Variants in AP2B1 observed in about 807,000 individuals in gnomAD.
AP2B1 encodes AP-2 complex subunit beta.
AP2B1 carries 23 observed loss-of-function variants against 102.0 expected under a neutral mutation model. The observed-to-expected ratio is 0.23, with a 90% CI of 0.16 to 0.32. The LOEUF (loss-of-function observed/expected upper bound fraction) is 0.32, where lower values mean the gene tolerates loss of function less well. AP2B1 is among the 10% of genes least tolerant of loss of function. The pLI is 1.00. For synonymous variants in AP2B1, 381 were observed against 421.2 expected (o/e 0.90, Z 1.17); for missense variants, 541 against 1,157.4 (o/e 0.47, Z 7.73).
At chr17:35,701,137 CA>C (rs2076231190) in intron 18 of AP2B1, among the ~76,000 whole-genome samples, 1 of 148,944 alleles carries the variant, frequency 6.7e-6, no homozygotes, top group African/African-American at 2.5e-5. Flanking sequence ...TTTTTGACTG[CA>C]ACTTACAGTA....
intron 9 of AP2B1, among the ~76,000 whole-genome samples, chr17:35,629,183 A>G (rs1051284518): frequency 1.3e-5 from 2 of 152,128 alleles, no homozygotes; most frequent in African/African-American, 2.4e-5. Context: ...CCTAGCCTCA[A>G]GTGATCCGCC....
intron 18 of AP2B1, among the ~76,000 whole-genome samples, chr17:35,697,280 G>C (rs1367577912): frequency 6.6e-6 from 1 of 152,200 alleles, no homozygotes; most frequent in Admixed American, 6.5e-5. Context: ...AATGGACCCT[G>C]TTTTCAAAAC....
intron 5 of AP2B1, among the ~76,000 whole-genome samples, chr17:35,614,537 C>G (rs1382994179): frequency 6.6e-6 from 1 of 151,748 alleles, no homozygotes; most frequent in Non-Finnish European, 1.5e-5. Flanking sequence ...CTTTGGTTTA[C>G]TGCGTAGCCC....
chr17:35,609,298 C>T (rs1639313042), intron 5 of AP2B1, among the ~76,000 whole-genome samples: 1 of 152,020 alleles, frequency 6.6e-6, no homozygotes, highest in Admixed American at 6.5e-5. Flanking sequence ...ACTCCTACCT[C>T]AGCCTCCTGA....
At chr17:35,602,465 C>T (rs1041514700) in intron 3 of AP2B1, among the ~76,000 whole-genome samples, 4 of 152,138 alleles carry the variant, frequency 2.6e-5, no homozygotes, top group African/African-American at 9.7e-5. Flanking sequence ...AAGTGCAGCA[C>T]TGGCCAGTGG....
At chr17:35,699,067 A>G (rs2076192160) in intron 18 of AP2B1, among the ~76,000 whole-genome samples, 2 of 152,218 alleles carry the variant, frequency 1.3e-5, no homozygotes, top group Non-Finnish European at 2.9e-5. Context: ...TCATAGCAGA[A>G]TGGGTACTAC....
At chr17:35,662,472 T>C (rs1223599629) in intron 14 of AP2B1, among the ~76,000 whole-genome samples, 1 of 152,008 alleles carries the variant, frequency 6.6e-6, no homozygotes, top group Admixed American at 6.6e-5. Context: ...AAAGTAGTTA[T>C]TTGGGCTTTT....
chr17:35,666,026 A>G (rs892790929), intron 14 of AP2B1, among the ~76,000 whole-genome samples: 1 of 152,172 alleles, frequency 6.6e-6, no homozygotes, highest in Non-Finnish European at 1.5e-5. Flanking sequence ...ATTCCCCTAT[A>G]TAACTTCAAT....
chr17:35,720,600 T>TTA (rs2085357461), intron 21 of AP2B1, among the ~76,000 whole-genome samples: 4 of 118,052 alleles, frequency 3.4e-5, no homozygotes, highest in South Asian at 2.8e-4. Context: ...TTTTTTTTTT[T>TTA]AATATAGAGA....
At chr17:35,612,409 AG>A (rs1240587475) in intron 5 of AP2B1, among the ~76,000 whole-genome samples, 1 of 152,216 alleles carries the variant, frequency 6.6e-6, no homozygotes. Flanking sequence ...AGAACTGAAA[AG>A]CTTGGGCTTA....
In AP2B1 at chr17:35,723,773, A is replaced by G; in HGVS notation, c.*74A>G. On this transcript the variant is annotated 3_prime_UTR_variant, in exon 22 of 22. Transcript: ENST00000610402. ...AGAACTCTTAACTGGAAGAAATTGT[A>G]TTGCTGCGTAGAATCTGAACACACT... The G allele has an allele frequency of 8.8e-7, 1 of 1,130,084 alleles. No homozygotes were observed. Among genetic ancestry groups the G allele is most frequent in the Non-Finnish European group, 1.3e-6 (1 of 743,630 alleles). 70.0% of individuals were successfully genotyped at this position (1,130,084 alleles called of 1,614,324 possible).
intron 20 of AP2B1, chr17:35,713,782 A>G (rs1235783639): frequency 6.6e-6 from 1 of 152,174 alleles, no homozygotes; most frequent in Admixed American, 6.5e-5. Context: ...AATTAATCAG[A>G]TCTTAAGAGA....
intron 14 of AP2B1, among the ~76,000 whole-genome samples, chr17:35,668,228 C>T (rs560702381): frequency 5.3e-5 from 8 of 152,200 alleles, no homozygotes; most frequent in East Asian, 3.9e-4. Flanking sequence ...TGAGCCACCA[C>T]GCCCGGCCTC....
intron 13 of AP2B1, 40 bp downstream of exon 13, chr17:35,650,829 T>C (rs2075067399): frequency 6.3e-7 from 1 of 1,599,050 alleles, no homozygotes; most frequent in Non-Finnish European, 8.5e-7. Context: ...GAAATGACTC[T>C]TGTTTAGACA....
At chr17:35,642,452 G>GT (rs1304260769) in intron 12 of AP2B1, among the ~76,000 whole-genome samples, 2 of 152,058 alleles carry the variant, frequency 1.3e-5, no homozygotes, top group Non-Finnish European at 2.9e-5. Context: ...GGAATTATTT[G>GT]TTTTTTTAGG....
chr17:35,638,540 G>A lies in AP2B1; in HGVS notation c.1272-1055G>A, dbSNP rs372128017. On this transcript the variant is annotated intron_variant, in intron 10 of 21. Coordinates refer to ENST00000610402, the MANE Select transcript of AP2B1 (RefSeq NM_001030006.2). The stretch of plus-strand genomic sequence containing the variant: ...GCGGTGGCTCACGCCTGTAATCCCA[G>A]CACTTTGGGAGGCCGAGGTGGGCGG... Among the ~76,000 whole-genome samples the A allele has an allele frequency of 9.8e-5, 15 of 152,286 alleles. No individual in the cohort carries two copies. The East Asian group carries it at 1.4e-3, about 14-fold the overall frequency.
chr17:35,606,688 A>T (rs1053290808), intron 4 of AP2B1, among the ~76,000 whole-genome samples: 3 of 152,108 alleles, frequency 2.0e-5, no homozygotes, highest in African/African-American at 7.2e-5. Flanking sequence ...TCTGACCTCC[A>T]ACCCCCTCTC....
At chr17:35,601,032 A>G (rs2073462257) in intron 3 of AP2B1, 4 of 984,124 alleles carry the variant, frequency 4.1e-6, no homozygotes, top group African/African-American at 1.7e-5. Context: ...GTGACCATCT[A>G]TCTAAGGAGT....
At chr17:35,683,474 T>C (rs1374953883) in intron 18 of AP2B1, among the ~76,000 whole-genome samples, 2 of 152,220 alleles carry the variant, frequency 1.3e-5, no homozygotes, top group Non-Finnish European at 1.5e-5. Context: ...GGACCACAGG[T>C]AGCTAGGCTG....
Sources: gnomAD v4.1 joint callset for allele counts (sites outside exome capture counted in the v4.1 genomes callset) on GRCh38, gnomAD v4.1.1 for gene constraint, MANE v1.5 for transcripts, NCBI Gene and HGNC (gene_info 2026-07-23, HGNC 2026-07-21) for gene names.